MCCC2: variants seen among roughly 807,000 people sequenced by gnomAD.
The protein encoded by MCCC2 is methylcrotonyl-CoA carboxylase subunit 2.
Under a neutral mutation model 77.2 loss-of-function variants are expected in MCCC2, and 52 were observed. That is an observed-to-expected ratio of 0.67 (90% CI 0.54 to 0.85). MCCC2 has a LOEUF of 0.85. Ranked by LOEUF, MCCC2 falls within the 40% of genes least tolerant of loss-of-function variation. MCCC2 has a pLI of 0.00. For synonymous variants in MCCC2, 253 were observed against 248.4 expected (o/e 1.02, Z -0.18); for missense variants, 682 against 703.2 (o/e 0.97, Z 0.34).
At chr5:71,590,608 G>A (rs1744934452) in intron 1 of MCCC2, among the ~76,000 whole-genome samples, 1 of 152,086 alleles carries the variant, frequency 6.6e-6, no homozygotes, top group African/African-American at 2.4e-5. Flanking sequence ...CCTGAGGTCA[G>A]GAGTTCTAGA....
intron 11 of MCCC2, among the ~76,000 whole-genome samples, chr5:71,642,602 G>A (rs762091354): frequency 8.5e-5 from 13 of 152,204 alleles, no homozygotes; most frequent in African/African-American, 1.4e-4. Flanking sequence ...ACAGGGTTGC[G>A]CATTTGCAGG....
At chr5:71,596,152 G>A in intron 2 of MCCC2, 128 bp from the exon 3 acceptor site, 1 of 835,560 alleles carries the variant, frequency 1.2e-6, no homozygotes, top group Non-Finnish European at 2.0e-6. Context: ...ATGATTATTA[G>A]CCTTTTCTCA....
rs764213364 is a variant in MCCC2, at chr5:71,649,251, T to A, written c.1371T>A (p.Tyr457Ter). 1.9e-6 allele frequency: 3 copies of A among 1,613,316 alleles called. No individual in the cohort carries two copies. The highest frequency in any genetic ancestry group is 3.3e-5 in the Admixed American group (2 of 60,004). ...ACTATGGGATGTGTGGCAGAGCATA[T>A]AGGTAGGTGTCATGATTTTCTCTGA... ...AGNYGMCGRA[Y>*]SPRFLYIWPN... The change falls in exon 14 of 17, where the codon TAT becomes TAA. Residue 457 changes from tyrosine (Y) to a stop codon, truncating the protein, a stop_gained and splice_region_variant. Transcript: ENST00000340941. LOFTEE classifies it high-confidence loss of function.
chr5:71,609,861 C>A (rs1745848292), intron 6 of MCCC2, among the ~76,000 whole-genome samples: 1 of 152,004 alleles, frequency 6.6e-6, no homozygotes, highest in Non-Finnish European at 1.5e-5. Context: ...CTGGGGGGTG[C>A]CTCCCAGTTA....
chr5:71,627,626 T>C (rs1461405728), intron 7 of MCCC2, among the ~76,000 whole-genome samples: 4 of 152,224 alleles, frequency 2.6e-5, no homozygotes, highest in South Asian at 2.1e-4. Context: ...TAGCTGTGTT[T>C]AGCATTTTGA....
intron 10 of MCCC2, among the ~76,000 whole-genome samples, chr5:71,637,871 C>T (rs1746983808): frequency 6.6e-6 from 1 of 152,100 alleles, no homozygotes; most frequent in Non-Finnish European, 1.5e-5. Flanking sequence ...CGCCACTGCG[C>T]CTGGCTAATT....
At chr5:71,590,488 C>T (rs140517417) in intron 1 of MCCC2, among the ~76,000 whole-genome samples, 1 of 152,252 alleles carries the variant, frequency 6.6e-6, no homozygotes, top group East Asian at 1.9e-4. Flanking sequence ...CATCCTTCTG[C>T]CATTGATTTC....
chr5:71,633,125 A>ATTTTTTTTTTTTT (rs1398247533), intron 8 of MCCC2, among the ~76,000 whole-genome samples: 11 of 42,874 alleles, frequency 2.6e-4, no homozygotes, highest in Admixed American at 3.8e-4. Context: ...ATATATATAT[A>ATTTTTTTTTTTTT]TATATATTTT....
intron 6 of MCCC2, among the ~76,000 whole-genome samples, chr5:71,622,311 A>G (rs1014202849): frequency 6.6e-5 from 10 of 152,060 alleles, no homozygotes; most frequent in African/African-American, 1.9e-4. Context: ...CCATAAATAT[A>G]TAGACCTACT....
intron 5 of MCCC2, 143 bp downstream of exon 5, chr5:71,602,776 T>C (rs1340212261): frequency 7.9e-7 from 1 of 1,263,928 alleles, no homozygotes; most frequent in African/African-American, 1.5e-5. Context: ...CACAGGTTCT[T>C]TGCTGAAAAC....
Position 71,599,764 on chromosome 5 carries a change from A to G in MCCC2, c.383+4A>G, listed in dbSNP as rs1745349543. 4.3e-6 allele frequency: 7 copies of G among 1,609,684 alleles called. No individual in the cohort carries two copies. Among genetic ancestry groups the G allele is most frequent in the Non-Finnish European group, 5.1e-6 (6 of 1,175,938 alleles). On this transcript the variant is annotated splice_donor_region_variant and intron_variant, in intron 4 of 16. Coordinates refer to ENST00000340941, the MANE Select transcript of MCCC2 (RefSeq NM_022132.5). The stretch of plus-strand genomic sequence containing the variant: ...CAGGCATTGGAAGAGTATCAGGGTG[A>G]GTATTCTACTTGTGCTTCATAATGT...
At chr5:71,592,296 G>A (rs112657877) in intron 1 of MCCC2, among the ~76,000 whole-genome samples, 2,184 of 152,220 alleles carry the variant, frequency 0.014, 49 homozygotes, top group African/African-American at 0.049. Context: ...CAGGAGAATC[G>A]CTTGATCTCG....
Position 71,632,916 on chromosome 5 carries a change from A to G in MCCC2, c.803+731A>G, listed in dbSNP as rs879826147. ...GTCAGAAGTCAATGAGATACAATAC[A>G]TGTGGATTGCTTTAGAATGAAACTA... is the stretch of plus-strand genomic sequence containing the variant. On this transcript the variant is annotated intron_variant, in intron 8 of 16. Transcript: ENST00000340941. Among the ~76,000 whole-genome samples, 5 of 151,920 alleles carry G rather than the reference A, an allele frequency of 3.3e-5. No individual in the cohort carries two copies. In the East Asian group the frequency reaches 7.7e-4, roughly 23 times the overall value.
At chr5:71,626,481 A>G (rs1324505729) in intron 6 of MCCC2, among the ~76,000 whole-genome samples, 159 bp from the exon 7 acceptor site, 1 of 152,210 alleles carries the variant, frequency 6.6e-6, no homozygotes, top group African/African-American at 2.4e-5. Context: ...TCAGAAAACT[A>G]TTTCAAACAT....
chr5:71,606,940 T>G (rs1745702820), intron 6 of MCCC2, among the ~76,000 whole-genome samples: 2 of 151,264 alleles, frequency 1.3e-5, no homozygotes, highest in African/African-American at 4.9e-5. Flanking sequence ...TTGATCATGG[T>G]GGATAAGCTT....
intron 16 of MCCC2, among the ~76,000 whole-genome samples, chr5:71,653,780 G>A (rs1179181372): frequency 6.6e-6 from 1 of 151,066 alleles, no homozygotes; most frequent in African/African-American, 2.4e-5. Flanking sequence ...GAACCTGGGA[G>A]GTCAAGGCTG....
intron 6 of MCCC2, among the ~76,000 whole-genome samples, chr5:71,619,471 G>A (rs1746290181): frequency 6.6e-6 from 1 of 152,126 alleles, no homozygotes; most frequent in South Asian, 2.1e-4. Context: ...TGCCCAGGCT[G>A]GTCTCATACT....
chr5:71,608,864 A>C (rs1483969883), intron 6 of MCCC2, among the ~76,000 whole-genome samples: 6 of 152,246 alleles, frequency 3.9e-5, no homozygotes, highest in Middle Eastern at 3.4e-3. Flanking sequence ...CTGGGTTGCA[A>C]ATTCTTTTCT....
chr5:71,631,491 A>G (rs1746709716), intron 7 of MCCC2, among the ~76,000 whole-genome samples: 1 of 151,660 alleles, frequency 6.6e-6, no homozygotes, highest in Admixed American at 6.6e-5. Flanking sequence ...CACATGTGTC[A>G]GGGCAGCATG....
Sources: gnomAD v4.1 joint callset for allele counts (sites outside exome capture counted in the v4.1 genomes callset) on GRCh38, gnomAD v4.1.1 for gene constraint, MANE v1.5 for transcripts, NCBI Gene and HGNC (gene_info 2026-07-23, HGNC 2026-07-21) for gene names.